The following PCDHA2 variants were observed in gnomAD, a reference collection of about 807,000 sequenced individuals.
PCDHA2 encodes the protein protocadherin alpha 2.
Under a neutral mutation model 66.0 loss-of-function variants are expected in PCDHA2, and 58 were observed. That is an observed-to-expected ratio of 0.88 (90% CI 0.71 to 1.09). The LOEUF (loss-of-function observed/expected upper bound fraction) is 1.09, where lower values mean the gene tolerates loss of function less well. PCDHA2 is among the 50% of genes least tolerant of loss of function. The probability of loss-of-function intolerance (pLI) is 0.00; values close to 1 mark genes in which losing one functional copy is unlikely to be tolerated. For synonymous variants in PCDHA2, 634 were observed against 554.0 expected (o/e 1.14, Z -2.03); for missense variants, 1,267 against 1,242.3 (o/e 1.02, Z -0.30).
At chr5:140,982,317 AG>A in intron 2 of PCDHA2, 157 bp from the exon 3 acceptor site, 1 of 1,347,244 alleles carries the variant, frequency 7.4e-7, no homozygotes, top group East Asian at 2.5e-5. Flanking sequence ...CAGTTTATGC[AG>A]GGTGACTGCT....
intron 1 of PCDHA2, among the ~76,000 whole-genome samples, chr5:140,957,228 T>C (rs1189952927): frequency 6.6e-6 from 1 of 152,148 alleles, no homozygotes; most frequent in Non-Finnish European, 1.5e-5. Flanking sequence ...TGGCGAAGCA[T>C]TTTGGCATGT....
intron 1 of PCDHA2, among the ~76,000 whole-genome samples, chr5:140,907,643 A>C (rs2073513749): frequency 6.6e-6 from 1 of 152,208 alleles, no homozygotes; most frequent in African/African-American, 2.4e-5. Flanking sequence ...GCTGCTGGCA[A>C]ATTGGGCACT....
At chr5:140,953,810 C>T (rs918101590) in intron 1 of PCDHA2, among the ~76,000 whole-genome samples, 5 of 152,190 alleles carry the variant, frequency 3.3e-5, no homozygotes, top group South Asian at 2.1e-4. Context: ...TTCTGAGGTG[C>T]ATGTGCTAGT....
At chr5:140,850,349 G>C (rs1554144220) in intron 1 of PCDHA2, 1 of 1,597,844 alleles carries the variant, frequency 6.3e-7, no homozygotes, top group South Asian at 1.1e-5. Flanking sequence ...CGGCCAGCGC[G>C]AGCATCCCGT....
intron 1 of PCDHA2, chr5:140,882,333 C>T (rs1052199425): frequency 3.8e-5 from 61 of 1,614,102 alleles, no homozygotes; most frequent in Non-Finnish European, 5.0e-5. Flanking sequence ...CTGATCCTCG[C>T]AGCCTGGGAG....
In PCDHA2 at chr5:141,000,418, TATA is replaced by T. The variant is rs1442097844; in HGVS notation, c.2537-9208_2537-9206del. 6.0e-3 allele frequency among the ~76,000 whole-genome samples: 500 copies of T among 83,616 alleles called. 3 individuals are homozygous for T. The highest frequency in any genetic ancestry group is 7.2e-3 in the African/African-American group (142 of 19,618). 54.9% of individuals were successfully genotyped at this position (83,616 alleles called of 152,430 possible). A position where few individuals can be genotyped will look rare whatever the true frequency, so the allele number is the denominator to read the frequency against. ...CTCTATATATATATATATATATATA[TATA>T]TTTTTTTTTTTTTTTTTTTTTTTGA... On this transcript the variant is annotated intron_variant, in intron 3 of 3. Coordinates refer to ENST00000526136, the MANE Select transcript of PCDHA2 (RefSeq NM_018905.3).
chr5:140,856,303 G>C (rs1554148515), intron 1 of PCDHA2: 1 of 1,598,648 alleles, frequency 6.3e-7, no homozygotes, highest in Non-Finnish European at 8.6e-7. Flanking sequence ...TTTTGTTTGT[G>C]AATTCTCGGA....
intron 1 of PCDHA2, chr5:140,804,485 T>C (rs564918510): frequency 1.3e-5 from 2 of 152,244 alleles, no homozygotes; most frequent in Non-Finnish European, 2.9e-5. Flanking sequence ...ATCTTGAAAA[T>C]AATTATGGTA....
At chr5:140,812,368 C>A (rs1562235048) in intron 1 of PCDHA2, 1 of 151,842 alleles carries the variant, frequency 6.6e-6, no homozygotes, top group East Asian at 1.9e-4. Flanking sequence ...GACTTCCAGT[C>A]TTTTTGTTTT....
At chr5:140,876,315 C>G (rs2056279391) in intron 1 of PCDHA2, 1 of 1,613,840 alleles carries the variant, frequency 6.2e-7, no homozygotes, top group African/African-American at 1.3e-5. Flanking sequence ...CCTATGGGAT[C>G]AAAATGATTT....
At chr5:140,989,947 T>G (rs2097368215) in intron 3 of PCDHA2, among the ~76,000 whole-genome samples, 1 of 152,062 alleles carries the variant, frequency 6.6e-6, no homozygotes, top group Non-Finnish European at 1.5e-5. Context: ...CACGTTTTTC[T>G]CGGTGAGACC....
chr5:140,831,783 C>CCTCTATTT, intron 1 of PCDHA2, among the ~76,000 whole-genome samples: 1 of 152,198 alleles, frequency 6.6e-6, no homozygotes, highest in East Asian at 1.9e-4. Context: ...GATTGTTTCA[C>CCTCTATTT]CTCTATTTCA....
intron 1 of PCDHA2, chr5:140,926,715 G>C (rs114961630): frequency 2.1e-6 from 2 of 952,238 alleles, no homozygotes; most frequent in Non-Finnish European, 1.4e-6. Flanking sequence ...GGCCAGCCCC[G>C]GCAATGCCGG....
intron 1 of PCDHA2, chr5:140,859,867 TC>T (rs2046061567): frequency 6.6e-6 from 1 of 152,134 alleles, no homozygotes; most frequent in East Asian, 1.9e-4. Context: ...AATATATACT[TC>T]CCCCTCTGAT....
chr5:140,990,022 G>A (rs891983888), intron 3 of PCDHA2, among the ~76,000 whole-genome samples: 1 of 152,156 alleles, frequency 6.6e-6, no homozygotes, highest in African/African-American at 2.4e-5. Flanking sequence ...GCTAGGCAAA[G>A]GATGGGAGAA....
chr5:140,978,506 C>T (rs914101151), intron 1 of PCDHA2, among the ~76,000 whole-genome samples: 22 of 152,244 alleles, frequency 1.4e-4, no homozygotes, highest in African/African-American at 4.1e-4. Context: ...GATTGCAGTC[C>T]TCTGCAGTCC....
chr5:140,829,328 C>A (rs782173510), intron 1 of PCDHA2: 1 of 1,614,244 alleles, frequency 6.2e-7, no homozygotes, highest in East Asian at 2.2e-5. Context: ...GGACAGTGCC[C>A]TGGACCGCGA....
chr5:140,978,644 G>A (rs782602318), intron 1 of PCDHA2, among the ~76,000 whole-genome samples: 18 of 152,220 alleles, frequency 1.2e-4, no homozygotes, highest in Non-Finnish European at 1.9e-4. Context: ...AAAGCAGACT[G>A]TTCTTCCCGT....
At chr5:140,833,462 C>G (rs1291648288) in intron 1 of PCDHA2, among the ~76,000 whole-genome samples, 2 of 152,102 alleles carry the variant, frequency 1.3e-5, no homozygotes, top group Non-Finnish European at 2.9e-5. Context: ...AATAAACTTA[C>G]ATTTTAAAAG....
Sources: allele counts gnomAD v4.1 joint callset (sites outside exome capture counted in the v4.1 genomes callset), GRCh38; gene constraint gnomAD v4.1.1; transcripts MANE v1.5; gene names NCBI Gene and HGNC (gene_info 2026-07-23, HGNC 2026-07-21).